The following SLC39A11 variants were observed in gnomAD, a reference collection of about 807,000 sequenced individuals.
The protein encoded by SLC39A11 is solute carrier family 39 member 11, also known as zinc transporter ZIP11.
Under a neutral mutation model 36.1 loss-of-function variants are expected in SLC39A11, and 33 were observed. The ratio of observed to expected loss-of-function variants is 0.91; its 90% CI spans 0.69 to 1.22. The LOEUF (loss-of-function observed/expected upper bound fraction) is 1.22, where lower values mean the gene tolerates loss of function less well. Ranked by LOEUF, SLC39A11 falls within the 50% of genes most tolerant of loss-of-function variation. SLC39A11 has a pLI of 0.00. For synonymous variants in SLC39A11, 166 were observed against 170.3 expected (o/e 0.97, Z 0.20); for missense variants, 432 against 430.3 (o/e 1.00, Z -0.03).
chr17:72,831,129 A>ATT (rs146986695), intron 6 of SLC39A11, among the ~76,000 whole-genome samples: 4,900 of 149,102 alleles, frequency 0.033, 219 homozygotes, highest in African/African-American at 0.099. Flanking sequence ...GGATTCAGAG[A>ATT]TTTTTTTTTT....
intron 7 of SLC39A11, among the ~76,000 whole-genome samples, chr17:72,704,726 C>T (rs2072815543): frequency 6.6e-6 from 1 of 152,022 alleles, no homozygotes; most frequent in Non-Finnish European, 1.5e-5. Context: ...GGGGGGTCCT[C>T]TTCCCCTCTC....
At chr17:72,828,607 C>A (rs917266471) in intron 6 of SLC39A11, among the ~76,000 whole-genome samples, 1 of 152,212 alleles carries the variant, frequency 6.6e-6, no homozygotes, top group Non-Finnish European at 1.5e-5. Flanking sequence ...ACTATTCCAG[C>A]CTGGTGAGCT....
intron 7 of SLC39A11, among the ~76,000 whole-genome samples, chr17:72,675,805 T>C (rs1449990965): frequency 6.6e-6 from 1 of 152,176 alleles, no homozygotes. Context: ...TGCGTCAGCC[T>C]CCTAGCTAGG....
At chr17:73,088,573 A>C in intron 2 of SLC39A11, 84 bp downstream of exon 2, 9 of 1,118,450 alleles carry the variant, frequency 8.0e-6, no homozygotes, top group Non-Finnish European at 1.2e-5. Context: ...TGAAAAGTCT[A>C]CAAACCTGCT....
At chr17:72,772,246 C>G (rs964619826) in intron 6 of SLC39A11, among the ~76,000 whole-genome samples, 1 of 152,202 alleles carries the variant, frequency 6.6e-6, no homozygotes, top group African/African-American at 2.4e-5. Flanking sequence ...TTGTGCCTTC[C>G]TCTTCATACC....
At chr17:72,900,156 AGAAAGAAAG>A (rs2082289469) in intron 5 of SLC39A11, among the ~76,000 whole-genome samples, 1 of 28,230 alleles carries the variant, frequency 3.5e-5, no homozygotes, top group Non-Finnish European at 1.1e-4. Context: ...AAGAAAGAAA[AGAAAGAAAG>A]AAAGAAAGAA....
intron 9 of SLC39A11, among the ~76,000 whole-genome samples, chr17:72,648,020 G>A (rs189884808): frequency 1.7e-4 from 26 of 152,208 alleles, no homozygotes; most frequent in African/African-American, 5.8e-4. Flanking sequence ...ACTAGCCTCA[G>A]AGTTATTCTT....
chr17:72,864,056 T>C (rs1286188910), intron 5 of SLC39A11, among the ~76,000 whole-genome samples: 1 of 152,046 alleles, frequency 6.6e-6, no homozygotes, highest in Non-Finnish European at 1.5e-5. Context: ...GACGCCTAGG[T>C]TCTCTCTGTT....
At chr17:72,882,817 G>C (rs57684900) in intron 5 of SLC39A11, among the ~76,000 whole-genome samples, 1 of 38,862 alleles carries the variant, frequency 2.6e-5, no homozygotes, top group African/African-American at 3.4e-4. Context: ...TTTTTTTTGA[G>C]ATGGAGTCTC....
At chr17:72,677,561 T>C (rs781139067) in intron 7 of SLC39A11, among the ~76,000 whole-genome samples, 2 of 143,638 alleles carry the variant, frequency 1.4e-5, no homozygotes, top group Admixed American at 7.2e-5. Flanking sequence ...TTAAATGGCA[T>C]GTTTTTAACA....
intron 6 of SLC39A11, among the ~76,000 whole-genome samples, chr17:72,829,046 G>A (rs576272094): frequency 1.4e-4 from 22 of 152,188 alleles, no homozygotes; most frequent in African/African-American, 4.8e-4. Context: ...AGGAGAAAAC[G>A]AAGCAACAAA....
At chr17:72,965,409 T>C (rs914101814) in intron 4 of SLC39A11, among the ~76,000 whole-genome samples, 2 of 152,196 alleles carry the variant, frequency 1.3e-5, no homozygotes, top group Non-Finnish European at 2.9e-5. Context: ...AAAAGTGATA[T>C]GCATTCAATA....
intron 6 of SLC39A11, among the ~76,000 whole-genome samples, chr17:72,769,546 T>C (rs1462484757): frequency 1.3e-5 from 2 of 152,084 alleles, no homozygotes. Context: ...GCATCTTTTT[T>C]TTTTTTCTTC....
chr17:72,917,394 T>C (rs2083392760), intron 5 of SLC39A11, among the ~76,000 whole-genome samples: 1 of 151,950 alleles, frequency 6.6e-6, no homozygotes, highest in Non-Finnish European at 1.5e-5. Context: ...CCTACCTAAA[T>C]GGAGTTGGGA....
Position 72,854,994 on chromosome 17 carries a change from G to C in SLC39A11, c.431-5190C>G, listed in dbSNP as rs763668243. On this transcript the variant is annotated intron_variant, in intron 5 of 9. Transcript: ENST00000255559. ...GCGGGCACAAGCCCAGGGGCCATCA[G>C]CAAACCCTGCTGCCCAGGTAAGCCC... is the stretch of plus-strand genomic sequence containing the variant. Among the ~76,000 whole-genome samples the C allele has an allele frequency of 3.5e-4, 54 of 152,206 alleles. 1 individual carries two copies. The highest frequency in any genetic ancestry group is 7.2e-4 in the Non-Finnish European group (49 of 68,038).
At chr17:72,665,332 TAACCCATAAAAAAATTGAGATAATC>T (rs2070682553) in intron 7 of SLC39A11, among the ~76,000 whole-genome samples, 3 of 150,368 alleles carry the variant, frequency 2.0e-5, no homozygotes, top group African/African-American at 4.9e-5. Context: ...CTCAGATTCT[TAACCCATAAAAAAATTGAGATAATC>T]TTTGTTGGTT....
intron 6 of SLC39A11, among the ~76,000 whole-genome samples, chr17:72,827,474 A>T (rs1470407862): frequency 1.3e-5 from 2 of 152,212 alleles, no homozygotes; most frequent in East Asian, 3.8e-4. Context: ...GTACACTTCA[A>T]ATGGGTGAAT....
At chr17:72,718,125 C>T (rs2073485869) in intron 7 of SLC39A11, among the ~76,000 whole-genome samples, 1 of 152,146 alleles carries the variant, frequency 6.6e-6, no homozygotes, top group South Asian at 2.1e-4. Flanking sequence ...GCTTGCATTT[C>T]GTAATGAGCC....
At chr17:73,052,703 T>C (rs2059546531) in intron 3 of SLC39A11, among the ~76,000 whole-genome samples, 1 of 152,082 alleles carries the variant, frequency 6.6e-6, no homozygotes, top group Non-Finnish European at 1.5e-5. Context: ...GGCAGGACCA[T>C]GGAAGGTGAG....
Sources: allele counts gnomAD v4.1 joint callset (sites outside exome capture counted in the v4.1 genomes callset), GRCh38; gene constraint gnomAD v4.1.1; transcripts MANE v1.5; gene names NCBI Gene and HGNC (gene_info 2026-07-23, HGNC 2026-07-21).